The following KLF7 variants were observed in gnomAD, a reference collection of about 807,000 sequenced individuals.
The protein encoded by KLF7 is Krueppel-like factor 7.
In KLF7, 2 loss-of-function variants were observed where a neutral mutation model predicts 27.3. The ratio of observed to expected loss-of-function variants is 0.07; its 90% CI spans 0.03 to 0.23. KLF7 has a LOEUF of 0.23. KLF7 is among the 10% of genes least tolerant of loss of function. KLF7 has a pLI of 1.00. For missense variants in KLF7, 221 were observed against 394.1 expected (o/e 0.56, Z 3.72); for synonymous variants, 165 against 162.4 (o/e 1.02, Z -0.12).
chr2:207,099,550 C>CCATATATATATATATATATATATATA, intron 2 of KLF7, among the ~76,000 whole-genome samples: 1 of 22,848 alleles, frequency 4.4e-5, no homozygotes, highest in Admixed American at 3.0e-4. Context: ...GCTACATATG[C>CCATATATATATATATATATATATATA]GATATATATA....
chr2:207,104,575 C>T (rs1270595626), intron 2 of KLF7, among the ~76,000 whole-genome samples: 2 of 152,142 alleles, frequency 1.3e-5, no homozygotes, highest in Non-Finnish European at 2.9e-5. Flanking sequence ...TATATTCTGT[C>T]CTCTAATTCT....
At position 207,077,863 on chromosome 2, in the gene KLF7, G is replaced by T. The variant is rs151219094; in HGVS notation, c.*3350C>A. On this transcript the variant is annotated 3_prime_UTR_variant, in exon 4 of 4. Coordinates refer to ENST00000309446, the MANE Select transcript of KLF7 (RefSeq NM_003709.4). ...ACAAATCTGAACCCTGGATAAAAGC[G>T]TGCTTGTTAGGACACCACCAGAAAC... 1.3e-5 allele frequency: 2 copies of T among 152,104 alleles called. No homozygotes were observed. Among genetic ancestry groups the T allele is most frequent in the Non-Finnish European group, 2.9e-5 (2 of 68,030 alleles). The allele number at this position is 152,104 out of a possible 1,614,324, so 9.4% of individuals were successfully genotyped here. A position where few individuals can be genotyped will look rare whatever the true frequency, so the allele number is the denominator to read the frequency against.
intron 2 of KLF7, among the ~76,000 whole-genome samples, chr2:207,095,031 C>CTTTTTTTTTTTTTTTTTTTTTT (rs36091471): frequency 1.2e-5 from 1 of 82,416 alleles, no homozygotes; most frequent in African/African-American, 4.8e-5. Context: ...TGTTTTTATT[C>CTTTTTTTTTTTTTTTTTTTTTT]TTTTTTTTTT....
intron 2 of KLF7, among the ~76,000 whole-genome samples, chr2:207,113,543 C>T (rs1340614413): frequency 1.4e-5 from 2 of 143,202 alleles, no homozygotes; most frequent in Non-Finnish European, 3.0e-5. Context: ...AGACTGGTAC[C>T]CAGCAGCAAC....
chr2:207,158,007 C>T (rs974008939), intron 1 of KLF7, among the ~76,000 whole-genome samples: 1 of 147,246 alleles, frequency 6.8e-6, no homozygotes, highest in Non-Finnish European at 1.5e-5. Flanking sequence ...TTGCTTGTTG[C>T]TTATTTCTGG....
At chr2:207,087,631 T>G (rs934523162) in intron 3 of KLF7, among the ~76,000 whole-genome samples, 2 of 152,184 alleles carry the variant, frequency 1.3e-5, no homozygotes, top group Admixed American at 1.3e-4. Flanking sequence ...AAAAAGATGG[T>G]TAATTTTCTT....
At chr2:207,138,995 A>G (rs1390086914) in intron 1 of KLF7, among the ~76,000 whole-genome samples, 1 of 152,220 alleles carries the variant, frequency 6.6e-6, no homozygotes, top group East Asian at 1.9e-4. Flanking sequence ...CGCCTACACT[A>G]TCAGGATTTG....
At chr2:207,124,497 G>C in intron 1 of KLF7, 93 bp from the exon 2 acceptor site, 2 of 1,287,264 alleles carry the variant, frequency 1.6e-6, no homozygotes, top group South Asian at 1.5e-5. Context: ...AAGGTGCAGA[G>C]AGAATGGTGT....
At chr2:207,143,842 T>G (rs760454011) in intron 1 of KLF7, among the ~76,000 whole-genome samples, 7 of 152,218 alleles carry the variant, frequency 4.6e-5, no homozygotes, top group Admixed American at 6.5e-5. Flanking sequence ...AACAAAAGCT[T>G]CAGGGCCGGA....
intron 1 of KLF7, among the ~76,000 whole-genome samples, chr2:207,137,191 G>A (rs369222081): frequency 1.3e-5 from 2 of 152,074 alleles, no homozygotes; most frequent in Non-Finnish European, 2.9e-5. Context: ...CTAACAGGAT[G>A]TCCCTGAGAA....
chr2:207,125,868 T>C (rs544500918), intron 1 of KLF7, among the ~76,000 whole-genome samples: 3 of 152,336 alleles, frequency 2.0e-5, no homozygotes, highest in South Asian at 4.1e-4. Flanking sequence ...GATGCAGGTA[T>C]AGAATAAACA....
At chr2:207,093,613 T>C (rs2076560962) in intron 2 of KLF7, among the ~76,000 whole-genome samples, 1 of 152,262 alleles carries the variant, frequency 6.6e-6, no homozygotes, top group Non-Finnish European at 1.5e-5. Context: ...GAGTGTATTA[T>C]AGTCTGTTTC....
intron 1 of KLF7, among the ~76,000 whole-genome samples, chr2:207,136,047 T>C (rs758072711): frequency 2.6e-5 from 4 of 152,134 alleles, no homozygotes; most frequent in Non-Finnish European, 5.9e-5. Flanking sequence ...CAAAACGCTA[T>C]TTTCAACTGT....
chr2:207,167,297 G>C (rs1411728436), upstream of KLF7: 3 of 532,384 alleles, frequency 5.6e-6, no homozygotes, highest in Non-Finnish European at 8.5e-6. Flanking sequence ...TTGTTTGCTT[G>C]ACCTTAAATG....
chr2:207,158,795 T>A (rs2078460330), intron 1 of KLF7, among the ~76,000 whole-genome samples: 1 of 152,156 alleles, frequency 6.6e-6, no homozygotes, highest in Non-Finnish European at 1.5e-5. Flanking sequence ...GAACCAGTAG[T>A]CTTAAAAGTA....
At chr2:207,101,367 T>C (rs1279670703) in intron 2 of KLF7, among the ~76,000 whole-genome samples, 1 of 152,210 alleles carries the variant, frequency 6.6e-6, no homozygotes, top group Non-Finnish European at 1.5e-5. Flanking sequence ...ATGTGTGTAA[T>C]GTGGACATGT....
intron 3 of KLF7, among the ~76,000 whole-genome samples, chr2:207,084,944 C>T (rs1195683575): frequency 6.6e-6 from 1 of 151,970 alleles, no homozygotes; most frequent in Non-Finnish European, 1.5e-5. Flanking sequence ...GGGTGGATCA[C>T]TTGAGGTCAG....
chr2:207,115,299 C>T (rs2077149350), intron 2 of KLF7, among the ~76,000 whole-genome samples: 1 of 152,184 alleles, frequency 6.6e-6, no homozygotes, highest in Non-Finnish European at 1.5e-5. Flanking sequence ...TTATGGGGTC[C>T]AATCCCGGGT....
chr2:207,162,900 A>C (rs1274627788), intron 1 of KLF7, among the ~76,000 whole-genome samples: 1 of 152,156 alleles, frequency 6.6e-6, no homozygotes, highest in Non-Finnish European at 1.5e-5. Flanking sequence ...TGACCTCTAA[A>C]ATCTGATTAC....
Sources: allele counts gnomAD v4.1 joint callset (sites outside exome capture counted in the v4.1 genomes callset), GRCh38; gene constraint gnomAD v4.1.1; transcripts MANE v1.5; gene names NCBI Gene and HGNC (gene_info 2026-07-23, HGNC 2026-07-21).